The following MAVS variants were observed in gnomAD, a reference collection of about 807,000 sequenced individuals.
MAVS encodes mitochondrial antiviral signaling protein, also known as mitochondrial antiviral-signaling protein.
MAVS carries 20 observed loss-of-function variants against 30.2 expected under a neutral mutation model. The ratio of observed to expected loss-of-function variants is 0.66; its 90% CI spans 0.47 to 0.96. The LOEUF (loss-of-function observed/expected upper bound fraction) is 0.96. Among genes scored for constraint, MAVS ranks in the 40% least tolerant of loss-of-function variants. The probability of loss-of-function intolerance (pLI) is 0.00; values close to 1 mark genes in which losing one functional copy is unlikely to be tolerated. For missense variants in MAVS, 624 were observed against 701.1 expected (o/e 0.89, Z 1.24); for synonymous variants, 278 against 293.9 (o/e 0.95, Z 0.55).
chr20:3,856,353 A>ATTT (rs56232181), intron 2 of MAVS, among the ~76,000 whole-genome samples: 1,453 of 101,402 alleles, frequency 0.014, 100 homozygotes, highest in African/African-American at 0.047. Flanking sequence ...TGCGCCCAGC[A>ATTT]TTTTTTTTTT....
Position 3,864,262 on chromosome 20 carries a change from C to T in MAVS, c.632C>T (p.Thr211Ile), listed in dbSNP as rs764125605. 10 of 1,603,792 alleles carry T rather than the reference C, an allele frequency of 6.2e-6. No individual in the cohort carries two copies. The highest frequency in any genetic ancestry group is 4.4e-5 in the South Asian group (4 of 90,034). The change falls in exon 6 of 7, where the codon ACC (threonine) becomes ATC (isoleucine). Residue 211 changes from threonine to isoleucine, a missense_variant. Thr to Ile is a moderately conservative substitution (Grantham distance 89). Coordinates refer to ENST00000428216, the MANE Select transcript of MAVS (RefSeq NM_020746.5). ...ELGSTHTAGA[T>I]SSLTPSRGPV... ...TGTGTTTTTCCACCGGCAGGTGCGA[C>T]CTCCAGCCTCACACCATCCCGTGGG... is the stretch of plus-strand genomic sequence containing the variant.
Position 3,851,990 on chromosome 20 carries a change from C to CTTTTTTTTTTTTTTT in MAVS, c.-67-2565_-67-2551dup, listed in dbSNP as rs770960832. Among the ~76,000 whole-genome samples, 43 of 80,434 alleles carry CTTTTTTTTTTTTTTT rather than the reference C, an allele frequency of 5.3e-4. 2 individuals carry two copies. Among genetic ancestry groups the CTTTTTTTTTTTTTTT allele is most frequent in the African/African-American group, 5.1e-3 (43 of 8,450 alleles). The allele number at this position is 80,434 out of a possible 152,430, so 52.8% of individuals were successfully genotyped here. A position where few individuals can be genotyped will look rare whatever the true frequency, so the allele number is the denominator to read the frequency against. On this transcript the variant is annotated intron_variant, in intron 1 of 6. Coordinates refer to ENST00000428216, the MANE Select transcript of MAVS (RefSeq NM_020746.5). ...AAAAAAAGAATGTATGTGTAGCAGG[C>CTTTTTTTTTTTTTTT]TTTTTTTTTTTTTTTTTCCCCCGAG...
chr20:3,854,575 C>A lies in MAVS; in HGVS notation c.-50C>A. The stretch of plus-strand genomic sequence containing the variant: ...TCTTCCAGTCTCGTTTCCTCTCAGT[C>A]CATCCACCCTTCATGGGGCCAGAGC... On this transcript the variant is annotated 5_prime_UTR_variant, in exon 2 of 7. Transcript: ENST00000428216. 2 of 1,325,754 alleles carry A rather than the reference C, an allele frequency of 1.5e-6. No homozygotes were observed. Among genetic ancestry groups the A allele is most frequent in the Non-Finnish European group, 1.1e-6 (1 of 928,108 alleles). The allele number at this position is 1,325,754 out of a possible 1,614,324, so 82.1% of individuals were successfully genotyped here.
Position 3,853,347 on chromosome 20 carries a change from G to A in MAVS, c.-67-1211G>A, listed in dbSNP as rs187083731. Among the ~76,000 whole-genome samples, 307 of 151,424 alleles carry A rather than the reference G, an allele frequency of 2.0e-3. 1 individual carries two copies. The highest frequency in any genetic ancestry group is 5.0e-3 in the African/African-American group (209 of 41,400). On this transcript the variant is annotated intron_variant, in intron 1 of 6. Coordinates refer to ENST00000428216, the MANE Select transcript of MAVS (RefSeq NM_020746.5). ...TAAAATACAAAAAAATTAGCCGGGC[G>A]TGGTGGCGGGCGCCTGTCGTCCCAG...
chr20:3,847,047 G>A (rs2089715201), intron 1 of MAVS, 144 bp downstream of exon 1: 1 of 152,450 alleles, frequency 6.6e-6, no homozygotes, highest in Non-Finnish European at 1.5e-5. Context: ...GACAGGACGC[G>A]CGGGGATCCG....
intron 4 of MAVS, 138 bp downstream of exon 4, chr20:3,861,642 C>A: frequency 1.1e-6 from 1 of 945,156 alleles, no homozygotes; most frequent in South Asian, 1.8e-5. Flanking sequence ...AGGGCTTCCT[C>A]AGTGGGGATC....
intron 2 of MAVS, among the ~76,000 whole-genome samples, chr20:3,856,905 G>A (rs746924652): frequency 6.6e-6 from 1 of 151,844 alleles, no homozygotes; most frequent in Non-Finnish European, 1.5e-5. Flanking sequence ...GTGTGGTGGT[G>A]GGCTCCTGTA....
In MAVS at chr20:3,874,093, G is replaced by A. The variant is rs530059216; in HGVS notation, c.*7946G>A. ...AATACTACTGCACAGCAACGAATATGAATGAAAATATCGCTATGCACAGCA... is the reference window on the plus strand; with the variant it reads ...AATACTACTGCACAGCAACGAATATAAATGAAAATATCGCTATGCACAGCA... On this transcript the variant is annotated 3_prime_UTR_variant, in exon 7 of 7. Transcript: ENST00000428216. The A allele has an allele frequency of 1.1e-3, 438 of 398,600 alleles. 8 individuals carry two copies. In the South Asian group the frequency reaches 0.035, roughly 31 times the overall value. 24.7% of individuals were successfully genotyped at this position (398,600 alleles called of 1,614,324 possible).
chr20:3,848,394 C>T (rs980911560), intron 1 of MAVS, among the ~76,000 whole-genome samples: 14 of 152,240 alleles, frequency 9.2e-5, no homozygotes, highest in South Asian at 2.1e-4. Context: ...CCACCGCGCC[C>T]GGCCGAGAAA....
Position 3,864,369 on chromosome 20 carries a change from G to T in MAVS, c.739G>T (p.Val247Phe), listed in dbSNP as rs560699553. 1.3e-5 allele frequency: 21 copies of T among 1,614,018 alleles called. No individual in the cohort carries two copies. The Middle Eastern group carries it at 4.9e-4, about 38-fold the overall frequency. ...ASRLPGPTGS[V>F]VSTGTSFSSS... Reference sequence around the variant, plus strand: ...CCGCTTGCCTGGACCCACAGGGTCAGTTGTATCTACTGGCACCTCCTTCTC... The same window carrying T: ...CCGCTTGCCTGGACCCACAGGGTCATTTGTATCTACTGGCACCTCCTTCTC... The change falls in exon 6 of 7, where the codon GTT becomes TTT. Residue 247 changes from valine (V) to phenylalanine (F), a missense_variant. Physicochemically the swap from Val to Phe is conservative, Grantham distance 50. Transcript: ENST00000428216.
Position 3,864,394 on chromosome 20 carries a change from C to T in MAVS, c.764C>T (p.Ser255Phe), listed in dbSNP as rs755729188. The T allele has an allele frequency of 4.3e-6, 7 of 1,613,948 alleles. No homozygotes were observed. In the South Asian group the frequency reaches 6.6e-5, roughly 15 times the overall value. ...GTTGTATCTACTGGCACCTCCTTCT[C>T]CTCCTCATCCCCTGGCTTGGCCTCT... is the stretch of plus-strand genomic sequence containing the variant. ...GSVVSTGTSF[S>F]SSSPGLASAG... Residue 255 changes from serine to phenylalanine, a missense_variant, in exon 6 of 7, where the codon TCC becomes TTC. By Grantham distance (155) the Ser-to-Phe change is radical. Transcript: ENST00000428216.
chr20:3,865,644 C>T lies in MAVS; in HGVS notation c.1159-39C>T, dbSNP rs1333695511. 3 of 1,536,046 alleles carry T rather than the reference C, an allele frequency of 2.0e-6. No individual in the cohort carries two copies. In the East Asian group the frequency reaches 7.0e-5, roughly 36 times the overall value. On this transcript the variant is annotated intron_variant, in intron 6 of 6. Transcript: ENST00000428216. This position sits in a 1 kb window ranked among gnomAD's most constrained non-coding sequence, Gnocchi z 4.7. ...CGCCCTACCAGGTTCGTCTCCCTGC[C>T]AACCCCAGTCCCTTCCAGTGCTCTC... is the stretch of plus-strand genomic sequence containing the variant.
At chr20:3,863,851 G>C (rs1406133261) in intron 5 of MAVS, among the ~76,000 whole-genome samples, 1 of 152,140 alleles carries the variant, frequency 6.6e-6, no homozygotes, top group Non-Finnish European at 1.5e-5. Flanking sequence ...ATCCATGGCT[G>C]CTCCCACTCA....
chr20:3,871,443 G>A lies in MAVS; in HGVS notation c.*5296G>A, dbSNP rs191906295. ...TCCTCTGTTGTCAAGCTCTTTGGAG[G>A]TGCCTGGCTGCTACTACTGTCCCAG... is the stretch of plus-strand genomic sequence containing the variant. On this transcript the variant is annotated 3_prime_UTR_variant, in exon 7 of 7. Transcript: ENST00000428216. 2.9e-3 allele frequency: 448 copies of A among 153,688 alleles called. 2 individuals are homozygous for A. The highest frequency in any genetic ancestry group is 0.01 in the Middle Eastern group (3 of 294). The allele number at this position is 153,688 out of a possible 1,614,324, so 9.5% of individuals were successfully genotyped here.
chr20:3,853,447 C>T (rs1170115002), intron 1 of MAVS, among the ~76,000 whole-genome samples: 1 of 150,580 alleles, frequency 6.6e-6, no homozygotes, highest in Non-Finnish European at 1.5e-5. Flanking sequence ...GATCGCGCCA[C>T]CGCACTCCAG....
At chr20:3,852,977 T>G (rs1354861803) in intron 1 of MAVS, among the ~76,000 whole-genome samples, 1 of 150,850 alleles carries the variant, frequency 6.6e-6, no homozygotes, top group Non-Finnish European at 1.5e-5. Flanking sequence ...TAGCTGGGAC[T>G]GCAGGCGCCC....
At position 3,857,753 on chromosome 20, in the gene MAVS, G is replaced by T. The variant is rs11905552; in HGVS notation, c.236G>T (p.Cys79Phe). 7.0e-3 allele frequency: 11,234 copies of T among 1,614,194 alleles called. 630 individuals are homozygous for T. In the African/African-American group the frequency reaches 0.13, roughly 19 times the overall value. ...VEYFIAALRG[C>F]ELVDLADEVA... is the part of the protein sequence containing the mutation. ...TACTTCATTGCGGCACTGAGGGGCTGTGAGCTAGTTGATCTCGCGGACGAA... is the reference window on the plus strand; with the variant it reads ...TACTTCATTGCGGCACTGAGGGGCTTTGAGCTAGTTGATCTCGCGGACGAA... The change falls in exon 3 of 7, where the codon TGT (cysteine) becomes TTT (phenylalanine). Residue 79 changes from cysteine (C) to phenylalanine (F), a missense_variant. Transcript: ENST00000428216.
chr20:3,847,207 A>G (rs1468854083), intron 1 of MAVS, among the ~76,000 whole-genome samples: 2 of 151,530 alleles, frequency 1.3e-5, no homozygotes, highest in East Asian at 1.9e-4. Context: ...GCGGCCGCTG[A>G]CCTCCTCCTG....
rs1568538516 is a variant in MAVS, at chr20:3,866,061, C to T, written c.1537C>T (p.Pro513Ser). Residue 513 changes from proline (P) to serine (S), a missense_variant, in exon 7 of 7, where the codon CCT (proline) becomes TCT (serine). Pro to Ser is a moderately conservative substitution (Grantham distance 74). Transcript: ENST00000428216. ...GGAGGTGCCATGCCACAGGCCCTCA[C>T]CTGGGGCTCTGTGGCTCCAGGTGGC... Reference protein sequence around the residue: ...EREVPCHRPSPGALWLQVAVT... With the variant: ...EREVPCHRPSSGALWLQVAVT... 1 of 1,612,236 alleles carries T rather than the reference C, an allele frequency of 6.2e-7. No homozygotes were observed. The highest frequency in any genetic ancestry group is 8.5e-7 in the Non-Finnish European group (1 of 1,179,868).
Sources: gnomAD v4.1 joint callset for allele counts (sites outside exome capture counted in the v4.1 genomes callset) on GRCh38, gnomAD v4.1.1 for gene constraint, Gnocchi (gnomAD v3.1) non-coding constraint, MANE v1.5 for transcripts, NCBI Gene and HGNC (gene_info 2026-07-23, HGNC 2026-07-21) for gene names.